Variants in KIAA1671 observed in about 807,000 individuals in gnomAD.
KIAA1671 encodes KIAA1671, also known as uncharacterized protein KIAA1671.
KIAA1671 carries 52 observed loss-of-function variants against 131.2 expected under a neutral mutation model. The observed-to-expected ratio is 0.40, with a 90% confidence interval of 0.32 to 0.50. The LOEUF (loss-of-function observed/expected upper bound fraction) is 0.50, where lower values mean the gene tolerates loss of function less well. Among genes scored for constraint, KIAA1671 ranks in the 20% least tolerant of loss-of-function variants. KIAA1671 has a pLI of 0.73. For missense variants in KIAA1671, 2,360 were observed against 2,364.2 expected, an observed-to-expected ratio of 1.00 and a Z score of 0.04; for synonymous variants, 1,003 against 961.6, an observed-to-expected ratio of 1.04 and a Z score of -0.80.
At position 24,995,796 on chromosome 22, in the gene KIAA1671, C is replaced by G. The variant is rs574317281; in HGVS notation, c.-207-29837C>G. 2.0e-5 allele frequency among the ~76,000 whole-genome samples: 3 copies of G among 152,382 alleles called. No homozygotes were observed. The South Asian group carries it at 6.2e-4, about 32-fold the overall frequency. ...CACAAAAGCATGTGAAGTACCTACC[C>G]TTGCTTCCATTTTATAGATGAGGAA... On this transcript the variant is annotated intron_variant, in intron 1 of 12. Coordinates refer to ENST00000358431, the MANE Select transcript of KIAA1671 (RefSeq NM_001145206.2).
At position 25,000,414 on chromosome 22, in the gene KIAA1671, C is replaced by T. The variant is rs1219563926; in HGVS notation, c.-207-25219C>T. On this transcript the variant is annotated intron_variant, in intron 1 of 12. Transcript: ENST00000358431. ...TTCACCGTTTTAGCCGGGATGGTCT[C>T]GATCTCCTGACCTCGTGATCCGCCC... Among the ~76,000 whole-genome samples, 40 of 101,374 alleles carry T rather than the reference C, an allele frequency of 3.9e-4. 8 individuals are homozygous for T. Among genetic ancestry groups the T allele is most frequent in the Admixed American group, 6.3e-4 (6 of 9,476 alleles). 66.5% of individuals were successfully genotyped at this position (101,374 alleles called of 152,430 possible).
At chr22:25,097,096 A>G (rs1397256464) in intron 6 of KIAA1671, among the ~76,000 whole-genome samples, 1 of 152,218 alleles carries the variant, frequency 6.6e-6, no homozygotes. Context: ...AAGTCTTTGT[A>G]TGGACAAATG....
At position 25,174,247 on chromosome 22, in the gene KIAA1671, A is replaced by G; in HGVS notation, c.4657A>G (p.Thr1553Ala). Reference protein sequence around the residue: ...EQCQSGESLATESPDSSATST... With the variant: ...EQCQSGESLAAESPDSSATST... ...CATTCCCTTTTTTGGCAGCTTGGCC[A>G]CTGAGTCCCCAGATAGCAGTGCCAC... is the stretch of plus-strand genomic sequence containing the variant. The change falls in exon 8 of 13, where the codon ACT (threonine) becomes GCT (alanine). Residue 1553 changes from threonine (T) to alanine (A), a missense_variant. By Grantham distance (58) the Thr-to-Ala change is moderately conservative (BLOSUM62 0). Around this residue, in one of 3 missense-constraint regions of KIAA1671, gnomAD observed 1,161 missense variants for 1,204.7 expected, o/e 0.96. Coordinates refer to ENST00000358431, the MANE Select transcript of KIAA1671 (RefSeq NM_001145206.2). 5 of 1,551,528 alleles carry G rather than the reference A, an allele frequency of 3.2e-6. No homozygotes were observed. The highest frequency in any genetic ancestry group is 4.4e-6 in the Non-Finnish European group (5 of 1,146,904).
intron 6 of KIAA1671, among the ~76,000 whole-genome samples, chr22:25,160,372 G>A (rs1204391811): frequency 6.6e-6 from 1 of 152,150 alleles, no homozygotes; most frequent in Middle Eastern, 3.2e-3. Context: ...TCAGAGGCTT[G>A]GGCACCCCTC....
At chr22:24,985,991 G>T (rs1028325314) in intron 1 of KIAA1671, among the ~76,000 whole-genome samples, 1 of 152,178 alleles carries the variant, frequency 6.6e-6, no homozygotes, top group Non-Finnish European at 1.5e-5. Flanking sequence ...TTGTGTGCGT[G>T]TGTGTGTTAT....
At chr22:24,955,868 A>T (rs1921664660) in intron 1 of KIAA1671, among the ~76,000 whole-genome samples, 1 of 152,100 alleles carries the variant, frequency 6.6e-6, no homozygotes, top group Admixed American at 6.5e-5. Context: ...TACTAAAAAT[A>T]CAAAAAAATT....
chr22:25,164,967 A>AGG (rs1933591318), intron 6 of KIAA1671, among the ~76,000 whole-genome samples: 1 of 131,806 alleles, frequency 7.6e-6, no homozygotes, highest in African/African-American at 2.9e-5. Context: ...AAAAAGAGAG[A>AGG]GAGTTGCAGG....
rs1926848110 is a variant in KIAA1671 at position 25,040,425 on chromosome 22, A to G, written c.3295A>G (p.Ile1099Val). ...GGGACGAGAGCATGAAAATGCAAGC[A>G]TTTTAAAAACTCTGAAGCCAACAGA... is the stretch of plus-strand genomic sequence containing the variant. ...MKGREHENAS[I>V]LKTLKPTDRP... is the part of the protein sequence containing the mutation. Residue 1099 changes from isoleucine (I) to valine (V), a missense_variant, in exon 5 of 13, where the codon ATT becomes GTT. Ile to Val is a conservative substitution (Grantham distance 29). Transcript: ENST00000358431. The G allele has an allele frequency of 6.4e-7, 1 of 1,551,924 alleles. No individual in the cohort carries two copies. The highest frequency in any genetic ancestry group is 1.4e-5 in the African/African-American group (1 of 73,044).
chr22:25,104,864 T>G (rs1347159572), intron 6 of KIAA1671, among the ~76,000 whole-genome samples: 1 of 152,144 alleles, frequency 6.6e-6, no homozygotes, highest in Admixed American at 6.6e-5. Context: ...CTTCCACCCT[T>G]AATGGCTAAG....
intron 1 of KIAA1671, among the ~76,000 whole-genome samples, chr22:25,017,215 T>A (rs1485030593): frequency 1.3e-5 from 2 of 152,230 alleles, no homozygotes; most frequent in East Asian, 3.9e-4. Context: ...AAACCCCGTC[T>A]CTACTAAAAA....
chr22:25,042,942 G>A (rs1927029753), intron 5 of KIAA1671, among the ~76,000 whole-genome samples: 1 of 152,126 alleles, frequency 6.6e-6, no homozygotes, highest in Non-Finnish European at 1.5e-5. Context: ...CAAGGGACCT[G>A]GAGTATGTAT....
intron 1 of KIAA1671, chr22:25,010,978 C>G (rs1453098014): frequency 2.0e-5 from 3 of 152,148 alleles, no homozygotes; most frequent in African/African-American, 7.2e-5. Flanking sequence ...CAAGCTGCAT[C>G]TGCCTGGATT....
intron 1 of KIAA1671, among the ~76,000 whole-genome samples, chr22:24,958,485 A>AC (rs1285326055): frequency 1.6e-4 from 24 of 151,928 alleles, no homozygotes; most frequent in African/African-American, 5.6e-4. Flanking sequence ...CCCCGTCTCT[A>AC]CTAAAAATAC....
At chr22:25,111,652 G>A (rs574850846) in intron 6 of KIAA1671, among the ~76,000 whole-genome samples, 2 of 152,202 alleles carry the variant, frequency 1.3e-5, no homozygotes, top group African/African-American at 4.8e-5. Context: ...AGCCGGGCAG[G>A]GGGCAGCAGG....
intron 1 of KIAA1671, among the ~76,000 whole-genome samples, chr22:24,965,740 CAAA>C (rs767916092): frequency 2.2e-5 from 1 of 45,890 alleles, no homozygotes; most frequent in Non-Finnish European, 4.7e-5. Flanking sequence ...AACTCCATCT[CAAA>C]AAAAAAAAAA....
chr22:25,083,012 A>G (rs1408682141), intron 6 of KIAA1671, among the ~76,000 whole-genome samples: 1 of 152,196 alleles, frequency 6.6e-6, no homozygotes, highest in African/African-American at 2.4e-5. Context: ...ATGTAATAAT[A>G]TCGTAATCAG....
intron 1 of KIAA1671, among the ~76,000 whole-genome samples, chr22:25,003,650 G>A (rs944985157): frequency 8.6e-5 from 13 of 151,870 alleles, no homozygotes; most frequent in Non-Finnish European, 1.8e-4. Context: ...CTAACCTCAT[G>A]ATCCACCCAC....
At chr22:25,184,591 T>A (rs959485853) in intron 10 of KIAA1671, among the ~76,000 whole-genome samples, 3 of 152,180 alleles carry the variant, frequency 2.0e-5, no homozygotes, top group Non-Finnish European at 4.4e-5. Flanking sequence ...GTCGAAAACT[T>A]CATTTTATTT....
Position 25,094,777 on chromosome 22 carries a change from C to T in KIAA1671, c.4530+45413C>T, listed in dbSNP as rs151068514. ...AGCCTGGCCCCAGGAGGTACACATC[C>T]GCATTCTCACGACTTTGTGTTTTCA... On this transcript the variant is annotated intron_variant, in intron 6 of 12. Transcript: ENST00000358431. 1.3e-3 allele frequency among the ~76,000 whole-genome samples: 203 copies of T among 152,222 alleles called. 1 individual carries two copies. Among genetic ancestry groups the T allele is most frequent in the Non-Finnish European group, 2.2e-3 (151 of 68,016 alleles).
Sources: gnomAD v4.1 joint callset for allele counts (sites outside exome capture counted in the v4.1 genomes callset) on GRCh38, gnomAD v4.1.1 for gene constraint, gnomAD v4.1.1 regional missense constraint, MANE v1.5 for transcripts, NCBI Gene and HGNC (gene_info 2026-07-23, HGNC 2026-07-21) for gene names.